Variants in RAD51B observed in about 807,000 individuals in gnomAD.
RAD51B encodes the protein RAD51 paralog B.
In RAD51B, 38 loss-of-function variants were observed where a neutral mutation model predicts 42.2. That is an observed-to-expected ratio of 0.90 (90% CI 0.70 to 1.18). The LOEUF is 1.18. RAD51B is among the 50% of genes most tolerant of loss of function. The pLI is 0.00. For synonymous variants in RAD51B, 154 were observed against 145.2 expected (o/e 1.06, Z -0.43); for missense variants, 373 against 400.7 (o/e 0.93, Z 0.59).
intron 8 of RAD51B, among the ~76,000 whole-genome samples, chr14:68,335,296 C>CAA (rs768281887): frequency 9.7e-4 from 42 of 43,158 alleles, no homozygotes; most frequent in African/African-American, 3.0e-3. Flanking sequence ...GACCCTGTGT[C>CAA]AAAAAAAAAA....
chr14:68,003,430 G>C (rs762170573), intron 7 of RAD51B, among the ~76,000 whole-genome samples: 3 of 152,138 alleles, frequency 2.0e-5, no homozygotes, highest in Non-Finnish European at 4.4e-5. Context: ...TTGAGAGGAT[G>C]GTGTTTTCTA....
chr14:67,842,860 G>A (rs1219367576), intron 4 of RAD51B, among the ~76,000 whole-genome samples: 1 of 152,170 alleles, frequency 6.6e-6, no homozygotes, highest in Non-Finnish European at 1.5e-5. Context: ...TGCCTAGTCT[G>A]TTGAGGGTTT....
intron 7 of RAD51B, among the ~76,000 whole-genome samples, chr14:67,957,255 G>A (rs7142112): frequency 0.27 from 41,558 of 152,162 alleles, 7,373 homozygotes; most frequent in African/African-American, 0.5. Flanking sequence ...GAATCCAACT[G>A]CAGGAAATGC....
chr14:68,217,589 A>G (rs2079842475), intron 7 of RAD51B, among the ~76,000 whole-genome samples: 1 of 152,178 alleles, frequency 6.6e-6, no homozygotes, highest in Non-Finnish European at 1.5e-5. Context: ...TGTGTGAAGC[A>G]TCCTACAGGG....
chr14:68,033,223 C>G (rs769244284), intron 7 of RAD51B, among the ~76,000 whole-genome samples: 5 of 152,150 alleles, frequency 3.3e-5, no homozygotes, highest in Non-Finnish European at 5.9e-5. Context: ...AAAAATCATC[C>G]TATATAACAT....
intron 7 of RAD51B, among the ~76,000 whole-genome samples, chr14:68,212,539 G>A (rs192671782): frequency 6.6e-6 from 1 of 152,232 alleles, no homozygotes; most frequent in African/African-American, 2.4e-5. Context: ...CTCACTACTG[G>A]GGACTTTCCA....
intron 7 of RAD51B, among the ~76,000 whole-genome samples, chr14:67,959,230 T>C (rs2074609306): frequency 6.6e-6 from 1 of 152,216 alleles, no homozygotes; most frequent in Non-Finnish European, 1.5e-5. Flanking sequence ...TGTTTGATTC[T>C]CCTGATTTCC....
At chr14:68,642,437 TG>T (rs1892481821) in intron 10 of RAD51B, among the ~76,000 whole-genome samples, 1 of 152,212 alleles carries the variant, frequency 6.6e-6, no homozygotes, top group South Asian at 2.1e-4. Context: ...TTAATGTCCA[TG>T]GGATCTGTAG....
intron 8 of RAD51B, among the ~76,000 whole-genome samples, chr14:68,393,909 C>T (rs750535707): frequency 6.6e-6 from 1 of 152,138 alleles, no homozygotes; most frequent in Non-Finnish European, 1.5e-5. Context: ...TTTGAAAGAC[C>T]GTCTGCCCCA....
chr14:67,977,766 T>C lies in RAD51B; in HGVS notation c.756+90562T>C, dbSNP rs2075022632. ...GTACACCTACTGCCTAAAAATAACA[T>C]TGTGGTTAATTGTGTTCCATAATAT... On this transcript the variant is annotated intron_variant, in intron 7 of 10. Transcript: ENST00000471583. Among the ~76,000 whole-genome samples, 3 of 152,184 alleles carry C rather than the reference T, an allele frequency of 2.0e-5. 1 individual carries two copies. Among genetic ancestry groups the C allele is most frequent in the South Asian group, 4.1e-4 (2 of 4,820 alleles).
intron 7 of RAD51B, among the ~76,000 whole-genome samples, chr14:68,235,891 A>C (rs950185134): frequency 1.3e-5 from 2 of 152,104 alleles, no homozygotes; most frequent in African/African-American, 4.8e-5. Flanking sequence ...AAAGAATGAG[A>C]TCATGTCCTT....
chr14:68,549,433 T>TTTTTTTTTTTA (rs1888407888), intron 10 of RAD51B, among the ~76,000 whole-genome samples: 2 of 93,226 alleles, frequency 2.1e-5, no homozygotes, highest in African/African-American at 4.0e-5. Flanking sequence ...TTTTTTTTTT[T>TTTTTTTTTTTA]GAGACGGAGT....
chr14:67,866,941 T>C (rs1423579080), intron 5 of RAD51B, among the ~76,000 whole-genome samples: 1 of 152,246 alleles, frequency 6.6e-6, no homozygotes, highest in Non-Finnish European at 1.5e-5. Flanking sequence ...AAGGAGCTCT[T>C]ATGAAGGTCA....
chr14:68,671,704 G>C (rs1893162366), intron 11 of RAD51B, among the ~76,000 whole-genome samples: 1 of 152,032 alleles, frequency 6.6e-6, no homozygotes, highest in South Asian at 2.1e-4. Context: ...TGGCTTTAAT[G>C]AATCTGTGTG....
Position 68,580,261 on chromosome 14 carries a change from C to G in RAD51B, c.1037-14224C>G, listed in dbSNP as rs562351802. Among the ~76,000 whole-genome samples, 44 of 152,310 alleles carry G rather than the reference C, an allele frequency of 2.9e-4. 1 individual carries two copies. Among genetic ancestry groups the G allele is most frequent in the African/African-American group, 9.9e-4 (41 of 41,576 alleles). On this transcript the variant is annotated intron_variant, in intron 10 of 10. Coordinates refer to the RAD51B transcript ENST00000487270. ...TTGTCAGGGAGGCCTGCCACTCTGC[C>G]CCACCTCTTCGCCTCCTGCTTGCCC... is the stretch of plus-strand genomic sequence containing the variant.
chr14:68,271,918 C>G (rs963788356), intron 7 of RAD51B, among the ~76,000 whole-genome samples: 2 of 152,148 alleles, frequency 1.3e-5, no homozygotes, highest in Admixed American at 6.5e-5. Flanking sequence ...CCAAATTTGC[C>G]ATTTTCTTTT....
At chr14:68,544,934 T>C (rs1888143583) in intron 10 of RAD51B, among the ~76,000 whole-genome samples, 1 of 152,184 alleles carries the variant, frequency 6.6e-6, no homozygotes, top group Non-Finnish European at 1.5e-5. Flanking sequence ...TGTTCAATTA[T>C]TGTGGGCTTA....
chr14:68,227,544 G>T (rs2080063526), intron 7 of RAD51B, among the ~76,000 whole-genome samples: 1 of 152,142 alleles, frequency 6.6e-6, no homozygotes. Flanking sequence ...ATAAGTGTTA[G>T]CACTCAATAA....
chr14:67,872,268 A>G (rs1373297520), intron 5 of RAD51B, among the ~76,000 whole-genome samples: 1 of 126,666 alleles, frequency 7.9e-6, no homozygotes, highest in African/African-American at 3.1e-5. Context: ...ATGTACAAAA[A>G]TCACAAGCAT....
Sources: gnomAD v4.1 joint callset for allele counts (sites outside exome capture counted in the v4.1 genomes callset) on GRCh38, gnomAD v4.1.1 for gene constraint, MANE v1.5 for transcripts, NCBI Gene and HGNC (gene_info 2026-07-23, HGNC 2026-07-21) for gene names.